FCHSD2: variants seen among roughly 807,000 people sequenced by gnomAD.
The protein encoded by FCHSD2 is F-BAR and double SH3 domains protein 2.
In FCHSD2, 38 loss-of-function variants were observed where a neutral mutation model predicts 108.1. That is an observed-to-expected ratio of 0.35 (90% confidence interval 0.27 to 0.46). The LOEUF is 0.46. Among genes scored for constraint, FCHSD2 ranks in the 20% least tolerant of loss-of-function variants. The pLI is 1.00. For synonymous variants in FCHSD2, 279 were observed against 314.7 expected, an observed-to-expected ratio of 0.89 and a Z score of 1.20; for missense variants, 751 against 897.8, an observed-to-expected ratio of 0.84 and a Z score of 2.09.
intron 3 of FCHSD2, among the ~76,000 whole-genome samples, chr11:73,042,403 T>A (rs1858662316): frequency 6.6e-6 from 1 of 152,220 alleles, no homozygotes; most frequent in Non-Finnish European, 1.5e-5. Context: ...ACTTAATCCA[T>A]CCCATTGTTC....
At chr11:73,111,938 A>G (rs1178824256) in intron 2 of FCHSD2, among the ~76,000 whole-genome samples, 2 of 152,154 alleles carry the variant, frequency 1.3e-5, no homozygotes, top group South Asian at 4.1e-4. Context: ...TATTTATATC[A>G]TATTATACTG....
intron 13 of FCHSD2, among the ~76,000 whole-genome samples, chr11:72,856,003 T>C (rs887447362): frequency 6.6e-6 from 1 of 152,338 alleles, no homozygotes; most frequent in East Asian, 1.9e-4. Context: ...CAAGCACTTA[T>C]TTGGCTGCTT....
At chr11:72,970,614 T>G (rs774917210) in intron 8 of FCHSD2, among the ~76,000 whole-genome samples, 4 of 152,200 alleles carry the variant, frequency 2.6e-5, no homozygotes, top group Admixed American at 1.3e-4. Context: ...GTTTCTTCTG[T>G]GCATTACTTT....
chr11:73,032,473 G>A (rs910870296), intron 3 of FCHSD2, among the ~76,000 whole-genome samples: 1 of 151,878 alleles, frequency 6.6e-6, no homozygotes, highest in Non-Finnish European at 1.5e-5. Context: ...TGATTCTCCC[G>A]ACTTGGCATC....
At chr11:72,935,463 A>C (rs1856281890) in intron 8 of FCHSD2, among the ~76,000 whole-genome samples, 1 of 152,204 alleles carries the variant, frequency 6.6e-6, no homozygotes, top group African/African-American at 2.4e-5. Flanking sequence ...CAAGGATATA[A>C]ATATCAAGAT....
At chr11:73,010,086 A>G (rs1349023981) in intron 4 of FCHSD2, among the ~76,000 whole-genome samples, 1 of 152,034 alleles carries the variant, frequency 6.6e-6, no homozygotes, top group African/African-American at 2.4e-5. Context: ...AGGCTTTGTT[A>G]ATTCTTTCTT....
At chr11:73,024,542 G>A (rs537952296) in intron 3 of FCHSD2, among the ~76,000 whole-genome samples, 1 of 151,900 alleles carries the variant, frequency 6.6e-6, no homozygotes, top group African/African-American at 2.4e-5. Context: ...AATAAGAAGG[G>A]GAAATGAGAA....
chr11:72,929,921 G>A (rs540260318), intron 8 of FCHSD2, among the ~76,000 whole-genome samples: 1 of 152,204 alleles, frequency 6.6e-6, no homozygotes, highest in Admixed American at 6.5e-5. Context: ...AATGATTATT[G>A]AAATGAATCA....
intron 8 of FCHSD2, among the ~76,000 whole-genome samples, chr11:72,932,282 A>C (rs1856209255): frequency 6.6e-6 from 1 of 152,180 alleles, no homozygotes; most frequent in African/African-American, 2.4e-5. Context: ...GTTGCCCTGC[A>C]TCCAACTCTC....
intron 3 of FCHSD2, among the ~76,000 whole-genome samples, chr11:73,082,144 T>C (rs959461399): frequency 6.6e-6 from 1 of 151,962 alleles, no homozygotes; most frequent in Non-Finnish European, 1.5e-5. Flanking sequence ...GAGACCATCC[T>C]GGCCAACAGG....
At chr11:72,872,507 G>A (rs543306817) in intron 12 of FCHSD2, among the ~76,000 whole-genome samples, 43 of 152,046 alleles carry the variant, frequency 2.8e-4, no homozygotes, top group Non-Finnish European at 2.9e-4. Context: ...ATAAAGATTT[G>A]CCTATTCCAG....
intron 8 of FCHSD2, among the ~76,000 whole-genome samples, chr11:72,982,328 A>G (rs1857229743): frequency 6.6e-6 from 1 of 152,200 alleles, no homozygotes; most frequent in South Asian, 2.1e-4. Context: ...GCTACTGCAG[A>G]AAAAAGAGCA....
At chr11:72,897,591 GACA>G (rs1220454020) in intron 10 of FCHSD2, among the ~76,000 whole-genome samples, 3 of 152,124 alleles carry the variant, frequency 2.0e-5, no homozygotes, top group Non-Finnish European at 4.4e-5. Context: ...GAAACCAAGG[GACA>G]ACTGTTGTCA....
At chr11:73,046,992 C>A (rs971026918) in intron 3 of FCHSD2, among the ~76,000 whole-genome samples, 2 of 151,948 alleles carry the variant, frequency 1.3e-5, no homozygotes, top group Non-Finnish European at 2.9e-5. Context: ...AAAATGAGGT[C>A]TTTCTGTATT....
At chr11:72,912,570 T>C (rs1855785576) in intron 9 of FCHSD2, among the ~76,000 whole-genome samples, 1 of 152,226 alleles carries the variant, frequency 6.6e-6, no homozygotes, top group African/African-American at 2.4e-5. Flanking sequence ...TCAGGGATAC[T>C]GGCTTGTAGT....
intron 3 of FCHSD2, among the ~76,000 whole-genome samples, chr11:73,041,835 G>A (rs1035734938): frequency 6.6e-6 from 1 of 152,084 alleles, no homozygotes; most frequent in Non-Finnish European, 1.5e-5. Flanking sequence ...TTTTGCCTAG[G>A]CCAATGTCCT....
intron 3 of FCHSD2, among the ~76,000 whole-genome samples, chr11:73,045,187 T>G (rs1360258231): frequency 6.6e-6 from 1 of 151,846 alleles, no homozygotes; most frequent in Non-Finnish European, 1.5e-5. Context: ...TCACTGGCCA[T>G]CAGAGAAATG....
intron 10 of FCHSD2, among the ~76,000 whole-genome samples, chr11:72,898,082 T>G (rs1855457749): frequency 6.6e-6 from 1 of 152,200 alleles, no homozygotes; most frequent in African/African-American, 2.4e-5. Flanking sequence ...CATTGGTCAC[T>G]GTCACTTGTA....
intron 3 of FCHSD2, among the ~76,000 whole-genome samples, chr11:73,035,545 C>A (rs2135456462): frequency 6.6e-6 from 1 of 152,162 alleles, no homozygotes; most frequent in Admixed American, 6.5e-5. Context: ...TGTTGCTAAG[C>A]AAATGAGTCA....
Sources: gnomAD v4.1 joint callset for allele counts (sites outside exome capture counted in the v4.1 genomes callset) on GRCh38, gnomAD v4.1.1 for gene constraint, MANE v1.5 for transcripts, NCBI Gene and HGNC (gene_info 2026-07-23, HGNC 2026-07-21) for gene names.